TECRL: variants seen among roughly 807,000 people sequenced by gnomAD.
TECRL encodes trans-2,3-enoyl-CoA reductase-like.
A neutral mutation model predicts 52.8 loss-of-function variants in TECRL; 63 were observed. The observed-to-expected ratio is 1.19, with a 90% CI of 0.97 to 1.47. TECRL has a LOEUF of 1.47. Ranked by LOEUF, TECRL falls within the 40% of genes most tolerant of loss-of-function variation. The pLI is 0.00. For missense variants in TECRL, 482 were observed against 429.6 expected (o/e 1.12, Z -1.08); for synonymous variants, 164 against 141.9 (o/e 1.16, Z -1.10).
At chr4:64,314,086 C>G (rs1471655421) in intron 5 of TECRL, among the ~76,000 whole-genome samples, 1 of 150,636 alleles carries the variant, frequency 6.6e-6, no homozygotes, top group African/African-American at 2.4e-5. Context: ...GGAGGCGGAG[C>G]GTGCAGTGAG....
At chr4:64,328,748 C>A (rs1240235860) in intron 2 of TECRL, among the ~76,000 whole-genome samples, 192 bp from the exon 3 acceptor site, 1 of 151,808 alleles carries the variant, frequency 6.6e-6, no homozygotes, top group Non-Finnish European at 1.5e-5. Context: ...TGAGAGAAAG[C>A]ATGAGGAAAG....
chr4:64,409,318 G>A lies in TECRL; in HGVS notation c.34C>T (p.Arg12Cys), dbSNP rs779934093. Residue 12 changes from arginine (R) to cysteine (C), a missense_variant, in exon 1 of 12, where the codon CGC becomes TGC. Arg to Cys is a radical substitution (Grantham distance 180, BLOSUM62 -3). Coordinates refer to ENST00000381210, the MANE Select transcript of TECRL (RefSeq NM_001010874.5). ...FKRHKSLASERKRALLSQRAT... is the reference protein window; with the variant it reads ...FKRHKSLASECKRALLSQRAT... ...CTTTGGGAAAGTAATGCTCTCTTGC[G>A]TTCCGAAGCGAGGGACTTGTGCCTT... 3.7e-6 allele frequency: 6 copies of A among 1,613,616 alleles called. No homozygotes were observed. The highest frequency in any genetic ancestry group is 1.3e-5 in the African/African-American group (1 of 75,010).
chr4:64,403,785 C>T (rs975837070), intron 1 of TECRL, among the ~76,000 whole-genome samples: 11 of 140,484 alleles, frequency 7.8e-5, no homozygotes, highest in Admixed American at 6.8e-4. Flanking sequence ...ACTGAGGGGG[C>T]ATGGGGAGGA....
intron 3 of TECRL, among the ~76,000 whole-genome samples, chr4:64,326,736 A>T (rs1718292933): frequency 6.6e-6 from 1 of 152,146 alleles, no homozygotes; most frequent in African/African-American, 2.4e-5. Flanking sequence ...AATATAGCAC[A>T]GCTCAGCAGA....
chr4:64,313,977 CAAAA>C (rs752037972), intron 5 of TECRL, among the ~76,000 whole-genome samples: 22 of 61,980 alleles, frequency 3.5e-4, no homozygotes, highest in African/African-American at 9.4e-4. Flanking sequence ...ACTAAAAATA[CAAAA>C]AAAAAAAAAA....
At chr4:64,342,805 A>C (rs922259575) in intron 2 of TECRL, among the ~76,000 whole-genome samples, 6 of 152,168 alleles carry the variant, frequency 3.9e-5, no homozygotes, top group Admixed American at 3.9e-4. Context: ...ATTAAATTAT[A>C]GTTTTAAAGC....
intron 1 of TECRL, among the ~76,000 whole-genome samples, chr4:64,391,511 C>T (rs2109747764): frequency 6.6e-6 from 1 of 151,962 alleles, no homozygotes. Flanking sequence ...CATCAACACT[C>T]AAACAGTTTT....
chr4:64,305,334 G>C, intron 6 of TECRL, 96 bp from the exon 7 acceptor site: 8 of 1,012,760 alleles, frequency 7.9e-6, no homozygotes, highest in Non-Finnish European at 1.2e-5. Flanking sequence ...GTCACAATTT[G>C]AAACCACCAC....
intron 2 of TECRL, among the ~76,000 whole-genome samples, chr4:64,357,110 C>T (rs571720585): frequency 4.6e-5 from 7 of 152,116 alleles, no homozygotes; most frequent in African/African-American, 1.7e-4. Flanking sequence ...TTATATAATG[C>T]CATATAATAT....
intron 2 of TECRL, among the ~76,000 whole-genome samples, chr4:64,335,065 T>C (rs1328533197): frequency 1.3e-5 from 2 of 152,180 alleles, no homozygotes; most frequent in Non-Finnish European, 2.9e-5. Context: ...TCTTCATACC[T>C]TCTCAGATTT....
At chr4:64,316,446 C>T (rs1199324517) in intron 4 of TECRL, among the ~76,000 whole-genome samples, 1 of 151,954 alleles carries the variant, frequency 6.6e-6, no homozygotes, top group East Asian at 1.9e-4. Flanking sequence ...TGATAAGTAA[C>T]TTTTGGACAA....
chr4:64,294,837 T>A (rs1338391297), intron 8 of TECRL, among the ~76,000 whole-genome samples: 1 of 151,998 alleles, frequency 6.6e-6, no homozygotes, highest in Non-Finnish European at 1.5e-5. Flanking sequence ...ATAAGGACAA[T>A]TGTAGCTAAA....
intron 1 of TECRL, among the ~76,000 whole-genome samples, chr4:64,375,511 G>A (rs559601621): frequency 2.0e-5 from 3 of 151,898 alleles, no homozygotes; most frequent in East Asian, 1.9e-4. Flanking sequence ...GTCCAAAATA[G>A]TCAATGTATT....
intron 1 of TECRL, among the ~76,000 whole-genome samples, chr4:64,407,125 C>G (rs1205696670): frequency 6.6e-6 from 1 of 151,948 alleles, no homozygotes; most frequent in Non-Finnish European, 1.5e-5. Context: ...TCCACTTCTA[C>G]TCAGACATCA....
At chr4:64,394,524 T>G (rs1344323868) in intron 1 of TECRL, among the ~76,000 whole-genome samples, 1 of 152,132 alleles carries the variant, frequency 6.6e-6, no homozygotes, top group Non-Finnish European at 1.5e-5. Flanking sequence ...CACACACAAT[T>G]CCCGTGGCAT....
At chr4:64,276,314 T>C (rs1722573715), downstream of TECRL, 2 of 152,046 alleles carry the variant, frequency 1.3e-5, no homozygotes, top group South Asian at 2.1e-4. Flanking sequence ...AATTTGAGAA[T>C]ATATCTTTTA....
At chr4:64,359,930 C>A (rs772378398) in intron 2 of TECRL, among the ~76,000 whole-genome samples, 3 of 151,934 alleles carry the variant, frequency 2.0e-5, no homozygotes, top group African/African-American at 7.2e-5. Flanking sequence ...TTTTTATTGA[C>A]GCACAAAGAA....
At chr4:64,284,256 G>T (rs577003854) in intron 9 of TECRL, among the ~76,000 whole-genome samples, 1 of 152,162 alleles carries the variant, frequency 6.6e-6, no homozygotes, top group African/African-American at 2.4e-5. Context: ...AAGCAAAGAA[G>T]AAATGTTAGA....
In TECRL at chr4:64,363,983, G is replaced by C. The variant is rs543515907; in HGVS notation, c.286+11189C>G. Among the ~76,000 whole-genome samples, 3 of 152,016 alleles carry C rather than the reference G, an allele frequency of 2.0e-5. No homozygotes were observed. In the South Asian group the frequency reaches 6.2e-4, roughly 32 times the overall value. The stretch of plus-strand genomic sequence containing the variant: ...ATACATTATTATTTTCACACCACAC[G>C]TAATCTAAGATCAACCACGTACTTG... On this transcript the variant is annotated intron_variant, in intron 2 of 11. Coordinates refer to ENST00000381210, the MANE Select transcript of TECRL (RefSeq NM_001010874.5).
Sources: allele counts gnomAD v4.1 joint callset (sites outside exome capture counted in the v4.1 genomes callset), GRCh38; gene constraint gnomAD v4.1.1; transcripts MANE v1.5; gene names NCBI Gene and HGNC (gene_info 2026-07-23, HGNC 2026-07-21).